The following MBOAT1 variants were observed in gnomAD, a reference collection of about 807,000 sequenced individuals.
MBOAT1 encodes the protein membrane-bound glycerophospholipid O-acyltransferase 1.
Under a neutral mutation model 64.4 loss-of-function variants are expected in MBOAT1, and 67 were observed. That is an observed-to-expected ratio of 1.04 (90% CI 0.85 to 1.27). MBOAT1 has a LOEUF of 1.27. Among genes scored for constraint, MBOAT1 ranks in the 50% most tolerant of loss-of-function variants. The probability of loss-of-function intolerance (pLI) is 0.00; values close to 1 mark genes in which losing one functional copy is unlikely to be tolerated. For missense variants in MBOAT1, 563 were observed against 604.6 expected (o/e 0.93, Z 0.72); for synonymous variants, 229 against 218.9 (o/e 1.05, Z -0.41).
intron 3 of MBOAT1, among the ~76,000 whole-genome samples, chr6:20,148,627 G>A (rs1399513050): frequency 6.6e-6 from 1 of 152,206 alleles, no homozygotes; most frequent in Non-Finnish European, 1.5e-5. Context: ...ATATGGAGAA[G>A]TTGCATGACC....
chr6:20,158,930 G>A (rs1761770428), intron 1 of MBOAT1, among the ~76,000 whole-genome samples: 1 of 152,186 alleles, frequency 6.6e-6, no homozygotes, highest in Non-Finnish European at 1.5e-5. Flanking sequence ...AGTGCTTGGA[G>A]AGCTTGTGGA....
At position 20,156,348 on chromosome 6, in the gene MBOAT1, A is replaced by T. The variant is rs369678817; in HGVS notation, c.100-3579T>A. On this transcript the variant is annotated intron_variant, in intron 1 of 12. Transcript: ENST00000324607. ...TCCTTTCCTTGACTGTTCATGGTAA[A>T]TGCCTAAACTCAAGACTTCATCATG... Among the ~76,000 whole-genome samples the T allele has an allele frequency of 1.6e-4, 24 of 152,302 alleles. No individual in the cohort carries two copies. The South Asian group carries it at 4.6e-3, about 29-fold the overall frequency.
At chr6:20,188,100 G>T (rs1427965253) in intron 1 of MBOAT1, among the ~76,000 whole-genome samples, 1 of 152,198 alleles carries the variant, frequency 6.6e-6, no homozygotes, top group Non-Finnish European at 1.5e-5. Flanking sequence ...AACTACAAGG[G>T]CATCTAACGA....
chr6:20,177,996 G>A (rs531896610), intron 1 of MBOAT1, among the ~76,000 whole-genome samples: 2 of 152,126 alleles, frequency 1.3e-5, no homozygotes, highest in South Asian at 4.2e-4. Context: ...AGACTCCCTG[G>A]CATTGAGTGT....
At chr6:20,190,063 C>G (rs1332670012) in intron 1 of MBOAT1, among the ~76,000 whole-genome samples, 1 of 151,884 alleles carries the variant, frequency 6.6e-6, no homozygotes. Flanking sequence ...GATGCGATCT[C>G]GGCTCACTGC....
intron 1 of MBOAT1, among the ~76,000 whole-genome samples, chr6:20,209,633 CA>C (rs1763365292): frequency 6.6e-6 from 1 of 152,120 alleles, no homozygotes; most frequent in South Asian, 2.1e-4. Context: ...AAGAGGCATA[CA>C]AAAAACTATT....
At position 20,152,699 on chromosome 6, in the gene MBOAT1, C is replaced by G. The variant is rs1463281334; in HGVS notation, c.170G>C (p.Gly57Ala). ...ATGCCGGACATCAGAGCTGGTTGTA[C>G]CAGGACGTAAGTAGATGCGAAACCA... ...AFWFRIYLRP[G>A]TTSSDVRHAV... The change falls in exon 2 of 13, where the codon GGT (glycine) becomes GCT (alanine). Residue 57 changes from glycine to alanine, a missense_variant. Gly to Ala is a moderately conservative substitution (Grantham distance 60). Transcript: ENST00000324607. The G allele has an allele frequency of 8.7e-6, 14 of 1,611,918 alleles. No homozygotes were observed. The Admixed American group carries it at 2.2e-4, about 25-fold the overall frequency.
At chr6:20,102,999 G>A (rs1759846152) in intron 12 of MBOAT1, among the ~76,000 whole-genome samples, 1 of 152,180 alleles carries the variant, frequency 6.6e-6, no homozygotes, top group Non-Finnish European at 1.5e-5. Flanking sequence ...ACAATACATA[G>A]TACTTGATAA....
chr6:20,106,745 G>A (rs1484106775), intron 12 of MBOAT1, among the ~76,000 whole-genome samples: 1 of 152,166 alleles, frequency 6.6e-6, no homozygotes, highest in Non-Finnish European at 1.5e-5. Flanking sequence ...CTATTGGACA[G>A]AGCTGATCTA....
chr6:20,134,877 T>C (rs747109988), intron 4 of MBOAT1, among the ~76,000 whole-genome samples: 4 of 151,494 alleles, frequency 2.6e-5, no homozygotes, highest in Non-Finnish European at 5.9e-5. Context: ...AACACATTTA[T>C]TGGTTTATGA....
chr6:20,161,361 C>G (rs1382211529), intron 1 of MBOAT1, among the ~76,000 whole-genome samples: 1 of 151,964 alleles, frequency 6.6e-6, no homozygotes, highest in East Asian at 1.9e-4. Context: ...TTATATATTA[C>G]ACTGTAATAA....
At chr6:20,199,072 C>T (rs916176849) in intron 1 of MBOAT1, among the ~76,000 whole-genome samples, 3 of 152,210 alleles carry the variant, frequency 2.0e-5, no homozygotes, top group Non-Finnish European at 4.4e-5. Context: ...TGTAACCAGT[C>T]CAGCTGTTTC....
chr6:20,102,403 G>T lies in MBOAT1; in HGVS notation c.1371C>A (p.Tyr457Ter). ...EPTISLYKSM[Y>*]FYLHIISLLI... is the part of the protein sequence containing the mutation. The stretch of plus-strand genomic sequence containing the variant: ...GGAGACTTATGATGTGCAAATAAAA[G>T]TACATGGACCTGGGAATAAAAATAT... Residue 457 changes from tyrosine (Y) to a stop codon, truncating the protein, a stop_gained, in exon 13 of 13, where the codon TAC becomes TAA. Transcript: ENST00000324607. LOFTEE classifies it high-confidence loss of function. 6.2e-7 allele frequency: 1 copy of T among 1,605,798 alleles called. No homozygotes were observed. The highest frequency in any genetic ancestry group is 8.5e-7 in the Non-Finnish European group (1 of 1,174,664).
chr6:20,115,227 T>C, intron 10 of MBOAT1, 61 bp downstream of exon 10: 1 of 1,252,546 alleles, frequency 8.0e-7, no homozygotes, highest in Non-Finnish European at 1.2e-6. Context: ...GTTCATCTAC[T>C]GACTCCCCTC....
At chr6:20,121,411 C>G (rs4537124) in intron 8 of MBOAT1, among the ~76,000 whole-genome samples, 39,799 of 152,146 alleles carry the variant, frequency 0.26, 5,557 homozygotes, top group East Asian at 0.52. Context: ...ACAAATTAAT[C>G]AAGTGTTTCT....
chr6:20,125,560 T>C (rs183185616), intron 7 of MBOAT1, among the ~76,000 whole-genome samples: 1 of 152,334 alleles, frequency 6.6e-6, no homozygotes, highest in East Asian at 1.9e-4. Context: ...CTGATGACAT[T>C]ACCTTATAAA....
At chr6:20,142,197 G>T (rs1477400880) in intron 4 of MBOAT1, among the ~76,000 whole-genome samples, 1 of 152,096 alleles carries the variant, frequency 6.6e-6, no homozygotes, top group Non-Finnish European at 1.5e-5. Context: ...GAGTCTCCTG[G>T]ATACCTTAAA....
At chr6:20,142,163 C>T (rs1195515798) in intron 4 of MBOAT1, among the ~76,000 whole-genome samples, 2 of 152,106 alleles carry the variant, frequency 1.3e-5, no homozygotes, top group East Asian at 3.9e-4. Context: ...CCAACCAATA[C>T]AGATGGAGGG....
At position 20,207,602 on chromosome 6, in the gene MBOAT1, CAG is replaced by C. The variant is rs749890119; in HGVS notation, c.99+4532_99+4533del. ...AAATCTAAGGAAGAACATTTCAAGA[CAG>C]GTGAAAATTCCATGAAATTTAGATG... On this transcript the variant is annotated intron_variant, in intron 1 of 12. Transcript: ENST00000324607. Among the ~76,000 whole-genome samples the C allele has an allele frequency of 1.1e-4, 17 of 152,256 alleles. No homozygotes were observed. In the South Asian group the frequency reaches 2.3e-3, roughly 20 times the overall value.
Sources: allele counts gnomAD v4.1 joint callset (sites outside exome capture counted in the v4.1 genomes callset), GRCh38; gene constraint gnomAD v4.1.1; transcripts MANE v1.5; gene names NCBI Gene and HGNC (gene_info 2026-07-23, HGNC 2026-07-21).